PNPLA8: variants seen among roughly 807,000 people sequenced by gnomAD.
PNPLA8 encodes the protein patatin like domain 8, phospholipase A2, also known as calcium-independent phospholipase A2-gamma.
In PNPLA8, 39 loss-of-function variants were observed where a neutral mutation model predicts 76.9. The ratio of observed to expected loss-of-function variants is 0.51; its 90% CI spans 0.39 to 0.66. PNPLA8 has a LOEUF of 0.66. Ranked by LOEUF, PNPLA8 falls within the 30% of genes least tolerant of loss-of-function variation. The pLI is 0.00. For missense variants in PNPLA8, 887 were observed against 918.0 expected (o/e 0.97, Z 0.44); for synonymous variants, 301 against 307.9 (o/e 0.98, Z 0.24).
chr7:108,500,182 T>C (rs9655800), intron 5 of PNPLA8, among the ~76,000 whole-genome samples: 31,295 of 152,134 alleles, frequency 0.21, 3,393 homozygotes, highest in East Asian at 0.35. Flanking sequence ...ACTCAATGAA[T>C]GACACTACCT....
intron 2 of PNPLA8, among the ~76,000 whole-genome samples, chr7:108,517,050 T>C (rs1676777866): frequency 6.6e-6 from 1 of 152,154 alleles, no homozygotes; most frequent in African/African-American, 2.4e-5. Flanking sequence ...CAAAGAACTC[T>C]TAAAGCTCGA....
rs1860277921 is a variant in PNPLA8, at chr7:108,479,923, G to C, written c.1879-544C>G. 2.0e-5 allele frequency among the ~76,000 whole-genome samples: 3 copies of C among 152,164 alleles called. No homozygotes were observed. In the South Asian group the frequency reaches 6.2e-4, roughly 32 times the overall value. ...AATATTATTTTGAAGACTTCAAAAG[G>C]AAACAAAGGTATTAATAAAATATGC... On this transcript the variant is annotated intron_variant, in intron 9 of 10. Transcript: ENST00000257694.
chr7:108,484,477 C>CA (rs1437156574), intron 9 of PNPLA8, among the ~76,000 whole-genome samples: 1 of 152,128 alleles, frequency 6.6e-6, no homozygotes, highest in Non-Finnish European at 1.5e-5. Flanking sequence ...CCTCCAGCCT[C>CA]AACCTCCCAA....
chr7:108,499,814 C>T (rs1861814800), intron 5 of PNPLA8, among the ~76,000 whole-genome samples: 1 of 152,210 alleles, frequency 6.6e-6, no homozygotes. Flanking sequence ...ACTAATACAA[C>T]TCTTATTCTA....
At chr7:108,502,407 C>A in intron 5 of PNPLA8, 84 bp downstream of exon 5, 1 of 1,182,110 alleles carries the variant, frequency 8.5e-7, no homozygotes, top group Non-Finnish European at 1.1e-6. Context: ...TGTGCCACTG[C>A]ACTCCAGCCT....
rs141467024 is a variant in PNPLA8 at position 108,472,458 on chromosome 7, A to G, written c.2292T>C (p.Asp764=). 4.0e-3 allele frequency: 6,356 copies of G among 1,597,154 alleles called. 22 individuals are homozygous for G. Among genetic ancestry groups the G allele is most frequent in the Non-Finnish European group, 4.9e-3 (5,751 of 1,170,988 alleles). Residue 764 remains aspartate, a synonymous_variant, in exon 11 of 11, where the codon GAT becomes GAC. Transcript: ENST00000257694. ...ACATATCAGTTTTTAATTTTATCCA[A>G]TCATTAATTTTCTGCAGAGTTGTTT... ...QEKTTLQKIN[D]WIKLKTDMYE... is the part of the protein sequence containing the mutation.
chr7:108,491,321 A>G (rs927231112), intron 8 of PNPLA8, 89 bp downstream of exon 8: 3 of 800,302 alleles, frequency 3.7e-6, no homozygotes, highest in Non-Finnish European at 6.4e-6. Flanking sequence ...AAATAAAAAT[A>G]AAATAAAATA....
chr7:108,481,191 G>A (rs552333210), intron 9 of PNPLA8, among the ~76,000 whole-genome samples: 10 of 152,276 alleles, frequency 6.6e-5, no homozygotes, highest in South Asian at 2.1e-4. Flanking sequence ...ACAGGATTCT[G>A]CATGGACATA....
chr7:108,524,207 C>T (rs1324432923), intron 1 of PNPLA8, among the ~76,000 whole-genome samples: 4 of 152,134 alleles, frequency 2.6e-5, no homozygotes, highest in Admixed American at 1.3e-4. Flanking sequence ...GATCAGGCAA[C>T]CTGAGTAAAG....
chr7:108,507,445 A>G (rs1862539847), intron 4 of PNPLA8, among the ~76,000 whole-genome samples: 1 of 151,884 alleles, frequency 6.6e-6, no homozygotes, highest in South Asian at 2.1e-4. Context: ...CTTGAGCCCA[A>G]GAATTCGGGA....
rs1195106487 is a variant in PNPLA8 at position 108,470,768 on chromosome 7, A to T, written c.*1633T>A. The stretch of plus-strand genomic sequence containing the variant: ...CTATTTTATACTATGTCTAAAGTTT[A>T]TATAATTCGGATGTTAGAAAATTTT... On this transcript the variant is annotated 3_prime_UTR_variant, in exon 11 of 11. Coordinates refer to ENST00000257694, the MANE Select transcript of PNPLA8 (RefSeq NM_001256007.3). The T allele has an allele frequency of 2.0e-5, 3 of 152,174 alleles. No individual in the cohort carries two copies. The highest frequency in any genetic ancestry group is 1.3e-4 in the Admixed American group (2 of 15,264). 9.4% of individuals were successfully genotyped at this position (152,174 alleles called of 1,614,324 possible). A position where few individuals can be genotyped will look rare whatever the true frequency, so the allele number is the denominator to read the frequency against.
At chr7:108,503,946 G>A (rs1862144312) in intron 4 of PNPLA8, among the ~76,000 whole-genome samples, 1 of 152,184 alleles carries the variant, frequency 6.6e-6, no homozygotes, top group African/African-American at 2.4e-5. Context: ...ATCATGAGGT[G>A]TGGAAGGCAA....
intron 9 of PNPLA8, among the ~76,000 whole-genome samples, chr7:108,482,329 G>C (rs1860455377): frequency 6.6e-6 from 1 of 152,098 alleles, no homozygotes; most frequent in Non-Finnish European, 1.5e-5. Context: ...AACATTAGCT[G>C]GGGGTGGTGG....
chr7:108,523,562 C>A (rs949536592), intron 1 of PNPLA8, among the ~76,000 whole-genome samples: 2 of 152,190 alleles, frequency 1.3e-5, no homozygotes, highest in Non-Finnish European at 2.9e-5. Context: ...CTGATCATGA[C>A]CTACGTGGCT....
At chr7:108,496,883 T>A in intron 6 of PNPLA8, 128 bp from the exon 7 acceptor site, 1 of 694,950 alleles carries the variant, frequency 1.4e-6, no homozygotes, top group South Asian at 1.9e-5. Context: ...CTGGGACAAA[T>A]GACTTTCCTT....
rs114828533 is a variant in PNPLA8 at position 108,521,233 on chromosome 7, C to T, written c.-84+243G>A. ...ATGAAACAGAAGGAAAATAAAGAGT[C>T]GAAAAGAGAACTGTACCAAGAATAA... On this transcript the variant is annotated intron_variant, in intron 2 of 10. Transcript: ENST00000257694. Among the ~76,000 whole-genome samples, 403 of 152,124 alleles carry T rather than the reference C, an allele frequency of 2.6e-3. 2 individuals are homozygous for T. The highest frequency in any genetic ancestry group is 8.9e-3 in the African/African-American group (371 of 41,506).
chr7:108,491,735 C>T (rs967326169), intron 7 of PNPLA8, among the ~76,000 whole-genome samples: 2 of 152,170 alleles, frequency 1.3e-5, no homozygotes, highest in Non-Finnish European at 2.9e-5. Flanking sequence ...GGAAAAGATG[C>T]AGGAAGGTTG....
Position 108,514,563 on chromosome 7 carries a change from A to C in PNPLA8, c.929T>G (p.Val310Gly). Residue 310 changes from valine (V) to glycine (G), a missense_variant, in exon 3 of 11, where the codon GTC (valine) becomes GGC (glycine). Transcript: ENST00000257694. Reference sequence around the variant, plus strand: ...CTTTGAATCATACTTTAATTTGGGGACAAGTCCACCAATATAACCACCTAC... The same window carrying C: ...CTTTGAATCATACTTTAATTTGGGGCCAAGTCCACCAATATAACCACCTAC... Reference protein sequence around the residue: ...ALVGGYIGGLVPKLKYDSKSQ... With the variant: ...ALVGGYIGGLGPKLKYDSKSQ... 6.2e-7 allele frequency: 1 copy of C among 1,613,834 alleles called. No homozygotes were observed.
At chr7:108,503,392 T>C (rs1448040381) in intron 4 of PNPLA8, among the ~76,000 whole-genome samples, 3 of 152,230 alleles carry the variant, frequency 2.0e-5, no homozygotes, top group Admixed American at 6.5e-5. Flanking sequence ...ACAATTTTCC[T>C]AGGTATCACT....
Sources: gnomAD v4.1 joint callset for allele counts (sites outside exome capture counted in the v4.1 genomes callset) on GRCh38, gnomAD v4.1.1 for gene constraint, MANE v1.5 for transcripts, NCBI Gene and HGNC (gene_info 2026-07-23, HGNC 2026-07-21) for gene names.